JCAD: variants seen among roughly 807,000 people sequenced by gnomAD.
The protein encoded by JCAD is junctional cadherin 5-associated protein.
JCAD carries 40 observed loss-of-function variants against 98.0 expected under a neutral mutation model. That is an observed-to-expected ratio of 0.41 (90% CI 0.32 to 0.53). The LOEUF is 0.53. Ranked by LOEUF, JCAD falls within the 20% of genes least tolerant of loss-of-function variation. The probability of loss-of-function intolerance (pLI) is 0.31; values close to 1 mark genes in which losing one functional copy is unlikely to be tolerated. For missense variants in JCAD, 1,705 were observed against 1,738.1 expected (o/e 0.98, Z 0.34); for synonymous variants, 691 against 682.3 (o/e 1.01, Z -0.20).
intron 1 of JCAD, among the ~76,000 whole-genome samples, chr10:30,074,563 C>T (rs1249043244): frequency 3.3e-5 from 5 of 152,242 alleles, no homozygotes; most frequent in Non-Finnish European, 7.3e-5. Context: ...CAGCGATCCC[C>T]TCATGGGAGG....
At chr10:30,024,336 G>C (rs960641787) in intron 3 of JCAD, among the ~76,000 whole-genome samples, 1 of 152,188 alleles carries the variant, frequency 6.6e-6, no homozygotes, top group African/African-American at 2.4e-5. Flanking sequence ...TATAGATGAA[G>C]AAAACTTGCT....
intron 2 of JCAD, among the ~76,000 whole-genome samples, chr10:30,042,824 A>G (rs187559146): frequency 6.6e-6 from 1 of 152,218 alleles, no homozygotes; most frequent in Non-Finnish European, 1.5e-5. Flanking sequence ...CTGCCTCCCA[A>G]AGGATCTATG....
intron 2 of JCAD, chr10:30,069,688 G>A (rs1335676988): frequency 6.7e-6 from 1 of 149,326 alleles, no homozygotes; most frequent in Non-Finnish European, 1.5e-5. Context: ...CTGCAAGCGT[G>A]GTGGCACGCA....
chr10:30,057,005 C>T (rs1837584098), intron 1 of JCAD, among the ~76,000 whole-genome samples: 1 of 152,166 alleles, frequency 6.6e-6, no homozygotes, highest in Non-Finnish European at 1.5e-5. Context: ...TAACCCTTCT[C>T]ATCCAAAGGA....
chr10:30,038,774 G>A (rs1033831417), intron 2 of JCAD, among the ~76,000 whole-genome samples: 1 of 151,916 alleles, frequency 6.6e-6, no homozygotes, highest in Non-Finnish European at 1.5e-5. Context: ...GGAGCAAAGG[G>A]ATACAAATGA....
At chr10:30,063,152 G>A (rs78302077), upstream of JCAD, among the ~76,000 whole-genome samples, 36 of 145,862 alleles carry the variant, frequency 2.5e-4, no homozygotes, top group Non-Finnish European at 2.2e-4. Context: ...TTAAACACAG[G>A]AAAAAAAAAA....
chr10:30,078,147 T>C (rs2132678879), intron 1 of JCAD, among the ~76,000 whole-genome samples: 1 of 152,338 alleles, frequency 6.6e-6, no homozygotes, highest in Middle Eastern at 3.4e-3. Context: ...TTTATTTGCA[T>C]TCCATACTTT....
At position 30,102,394 on chromosome 10, in the gene JCAD, C is replaced by T. The variant is rs562487243; in HGVS notation, n.128+12973G>A. Among the ~76,000 whole-genome samples the T allele has an allele frequency of 4.3e-4, 65 of 152,264 alleles. No individual in the cohort carries two copies. The South Asian group carries it at 0.012, about 29-fold the overall frequency. On this transcript the variant is annotated intron_variant and non_coding_transcript_variant, in intron 1 of 2. Coordinates refer to the JCAD transcript ENST00000465712. ...CCATGCTGGCCGGCCTGGTCTCAAA[C>T]TCCTGACCTCAGATGATTCATCTGC...
At chr10:30,081,636 T>G (rs1376372411) in intron 1 of JCAD, among the ~76,000 whole-genome samples, 1 of 152,176 alleles carries the variant, frequency 6.6e-6, no homozygotes, top group Non-Finnish European at 1.5e-5. Context: ...TTCGCCATGT[T>G]TGCCAGGCTG....
intron 2 of JCAD, among the ~76,000 whole-genome samples, chr10:30,046,248 C>T (rs898663060): frequency 4.6e-5 from 7 of 152,100 alleles, no homozygotes; most frequent in Non-Finnish European, 1.0e-4. Flanking sequence ...AGGTGGAAAC[C>T]GCCTGGGAGA....
Position 30,080,129 on chromosome 10 carries a change from CA to C in JCAD, n.129-10309del, listed in dbSNP as rs1257065494. Among the ~76,000 whole-genome samples, 6 of 152,096 alleles carry C rather than the reference CA, an allele frequency of 3.9e-5. No individual in the cohort carries two copies. The South Asian group carries it at 8.3e-4, about 21-fold the overall frequency. The stretch of plus-strand genomic sequence containing the variant: ...CTGTCCAGTGGTTTTGTTGAATAGT[CA>C]GTGAGTGAGGAAAAAAAAAATTAAA... On this transcript the variant is annotated intron_variant and non_coding_transcript_variant, in intron 1 of 2. Transcript: ENST00000465712.
chr10:30,022,535 G>A (rs982140969), intron 3 of JCAD, among the ~76,000 whole-genome samples: 4 of 152,176 alleles, frequency 2.6e-5, no homozygotes, highest in African/African-American at 9.7e-5. Flanking sequence ...GTGGACATAC[G>A]TCAAAAGTAT....
At chr10:30,065,735 A>C (rs1454717484) in intron 2 of JCAD, among the ~76,000 whole-genome samples, 2 of 152,142 alleles carry the variant, frequency 1.3e-5, no homozygotes, top group Non-Finnish European at 2.9e-5. Context: ...TCCTGGGCTC[A>C]AGCAAAGTTC....
chr10:30,090,235 T>A (rs1838237957), intron 1 of JCAD, among the ~76,000 whole-genome samples: 1 of 152,210 alleles, frequency 6.6e-6, no homozygotes, highest in South Asian at 2.1e-4. Context: ...GCTTCCAGAA[T>A]TTTTGAGAAG....
chr10:30,102,332 C>T (rs748543636), intron 1 of JCAD, among the ~76,000 whole-genome samples: 23 of 151,580 alleles, frequency 1.5e-4, no homozygotes, highest in African/African-American at 3.1e-4. Flanking sequence ...CCACCATGTC[C>T]GGCTAATTTT....
rs1426686926 is a variant in JCAD at position 30,092,880 on chromosome 10, T to C, written n.128+22487A>G. Among the ~76,000 whole-genome samples the C allele has an allele frequency of 2.6e-5, 4 of 152,264 alleles. No homozygotes were observed. The East Asian group carries it at 7.7e-4, about 29-fold the overall frequency. On this transcript the variant is annotated intron_variant and non_coding_transcript_variant, in intron 1 of 2. Transcript: ENST00000465712. ...TCTCCAACTCAGGATTCACTGTTTTTCTGCTTGGTACCTCTGGAGGGGTGT... is the reference window on the plus strand; with the variant it reads ...TCTCCAACTCAGGATTCACTGTTTTCCTGCTTGGTACCTCTGGAGGGGTGT...
chr10:30,112,636 C>A (rs1405867731), intron 1 of JCAD, among the ~76,000 whole-genome samples: 3 of 151,994 alleles, frequency 2.0e-5, no homozygotes, highest in African/African-American at 7.2e-5. Flanking sequence ...CTTTTGGAAG[C>A]CGACATGGGT....
At chr10:30,020,282 G>A (rs888675162) in intron 3 of JCAD, among the ~76,000 whole-genome samples, 9 of 137,048 alleles carry the variant, frequency 6.6e-5, no homozygotes, top group African/African-American at 2.5e-4. Flanking sequence ...AGCTGAGATC[G>A]CACCACTGCA....
At chr10:30,090,564 A>G (rs112931757) in intron 1 of JCAD, among the ~76,000 whole-genome samples, 4 of 106,000 alleles carry the variant, frequency 3.8e-5, no homozygotes, top group Non-Finnish European at 3.7e-5. Context: ...AAAGGAGAGG[A>G]GAGGGGAGGG....
Sources: allele counts gnomAD v4.1 joint callset (sites outside exome capture counted in the v4.1 genomes callset), GRCh38; gene constraint gnomAD v4.1.1; transcripts MANE v1.5; gene names NCBI Gene and HGNC (gene_info 2026-07-23, HGNC 2026-07-21).